The following CACNA2D2 variants were observed in gnomAD, a reference collection of about 807,000 sequenced individuals.
CACNA2D2 encodes calcium voltage-gated channel auxiliary subunit alpha2delta 2.
CACNA2D2 carries 48 observed loss-of-function variants against 166.4 expected under a neutral mutation model. The ratio of observed to expected loss-of-function variants is 0.29; its 90% confidence interval spans 0.23 to 0.37. The LOEUF (loss-of-function observed/expected upper bound fraction) is 0.37. CACNA2D2 is among the 10% of genes least tolerant of loss of function. CACNA2D2 has a pLI of 1.00. For missense variants in CACNA2D2, 1,122 were observed against 1,433.0 expected (o/e 0.78, Z 3.50); for synonymous variants, 561 against 573.7 (o/e 0.98, Z 0.32).
rs1475174487 is a variant in CACNA2D2, at chr3:50,366,208, T to C, written c.2710-45A>G. 1 of 1,613,882 alleles carries C rather than the reference T, an allele frequency of 6.2e-7. No individual in the cohort carries two copies. Among genetic ancestry groups the C allele is most frequent in the East Asian group, 2.2e-5 (1 of 44,900 alleles). On this transcript the variant is annotated intron_variant, in intron 31 of 37. Transcript: ENST00000424201. The surrounding 1 kb of genome is among the most constrained non-coding windows in gnomAD (Gnocchi z 5.9). ...GCCATGGTCACAGGGCTGGCAGTGC[T>C]ACACCCCTAGAAGGCTCAAATCCCT...
intron 1 of CACNA2D2, among the ~76,000 whole-genome samples, chr3:50,498,615 A>C (rs1698823389): frequency 6.6e-6 from 1 of 152,104 alleles, no homozygotes. Flanking sequence ...AGGTAGATGG[A>C]GGTCAGCACT....
intron 3 of CACNA2D2, among the ~76,000 whole-genome samples, chr3:50,409,390 G>T (rs1409989448): frequency 6.6e-6 from 1 of 152,240 alleles, no homozygotes; most frequent in Non-Finnish European, 1.5e-5. Flanking sequence ...AGGGAGAAAA[G>T]CCCCATGGCT....
At chr3:50,479,084 T>C (rs1001824836) in intron 1 of CACNA2D2, among the ~76,000 whole-genome samples, 1 of 152,234 alleles carries the variant, frequency 6.6e-6, no homozygotes, top group Non-Finnish European at 1.5e-5. Context: ...AAAAAGGCTA[T>C]TTCAACACTA....
chr3:50,468,175 C>T (rs1229595446), intron 2 of CACNA2D2, among the ~76,000 whole-genome samples: 5 of 152,328 alleles, frequency 3.3e-5, no homozygotes, highest in South Asian at 4.1e-4. Flanking sequence ...CTCCCACCCT[C>T]GAACATTCAG....
chr3:50,495,363 C>T (rs911912444), intron 1 of CACNA2D2, among the ~76,000 whole-genome samples: 3 of 152,164 alleles, frequency 2.0e-5, no homozygotes, highest in African/African-American at 7.2e-5. Flanking sequence ...CCTGGGCCAT[C>T]GCAGCACTGA....
chr3:50,488,468 G>A (rs184557051), intron 1 of CACNA2D2, among the ~76,000 whole-genome samples: 114 of 152,128 alleles, frequency 7.5e-4, no homozygotes, highest in Non-Finnish European at 8.4e-4. Flanking sequence ...TCCTGACACT[G>A]CCCTGTACTT....
intron 2 of CACNA2D2, among the ~76,000 whole-genome samples, chr3:50,475,070 G>C (rs1000202470): frequency 2.0e-5 from 3 of 152,162 alleles, no homozygotes; most frequent in Admixed American, 6.5e-5. Context: ...GCCTGTGCCA[G>C]AGGTCCTACA....
chr3:50,476,964 C>T (rs180966281), intron 1 of CACNA2D2, among the ~76,000 whole-genome samples: 16 of 142,596 alleles, frequency 1.1e-4, no homozygotes, highest in African/African-American at 3.7e-4. Context: ...GAGTCTCGAT[C>T]TGTCGCCCAG....
intron 3 of CACNA2D2, among the ~76,000 whole-genome samples, chr3:50,406,215 G>T (rs958032821): frequency 6.6e-6 from 1 of 151,808 alleles, no homozygotes. Context: ...TGGCACAGAG[G>T]CAATCAGCCT....
At chr3:50,485,639 T>A (rs935142361) in intron 1 of CACNA2D2, among the ~76,000 whole-genome samples, 1 of 152,228 alleles carries the variant, frequency 6.6e-6, no homozygotes, top group Admixed American at 6.5e-5. Context: ...GAGAAACTCC[T>A]AGGATACGGA....
chr3:50,391,551 G>C lies in CACNA2D2; in HGVS notation c.465+2558C>G, dbSNP rs1705894730. Among the ~76,000 whole-genome samples the C allele has an allele frequency of 1.3e-5, 2 of 152,228 alleles. 1 individual carries two copies. Among genetic ancestry groups the C allele is most frequent in the South Asian group, 4.1e-4 (2 of 4,836 alleles). Reference sequence around the variant, plus strand: ...GGCCATCGTTTCCCTGGTGTCCAAGGGTCTGGGTTGGCCAGGGACGAGGAA... The same window carrying C: ...GGCCATCGTTTCCCTGGTGTCCAAGCGTCTGGGTTGGCCAGGGACGAGGAA... On this transcript the variant is annotated intron_variant, in intron 4 of 37. Coordinates refer to ENST00000424201, the MANE Select transcript of CACNA2D2 (RefSeq NM_006030.4).
At chr3:50,433,804 G>A (rs1299981091) in intron 3 of CACNA2D2, among the ~76,000 whole-genome samples, 1 of 152,184 alleles carries the variant, frequency 6.6e-6, no homozygotes, top group African/African-American at 2.4e-5. Context: ...AGGCCCAGAT[G>A]GGGGAGCAGA....
intron 3 of CACNA2D2, among the ~76,000 whole-genome samples, 154 bp from the exon 4 acceptor site, chr3:50,394,322 C>A (rs1367997833): frequency 1.3e-5 from 2 of 152,128 alleles, no homozygotes; most frequent in East Asian, 3.9e-4. Flanking sequence ...ATTCTCTGCC[C>A]CAGACACTCC....
chr3:50,412,597 T>C (rs1194174942), intron 3 of CACNA2D2, among the ~76,000 whole-genome samples: 2 of 151,958 alleles, frequency 1.3e-5, no homozygotes, highest in Admixed American at 6.6e-5. Flanking sequence ...TGTTTTTCTT[T>C]TCTTTTTTTT....
chr3:50,364,358 G>A lies in CACNA2D2; in HGVS notation c.*308C>T, dbSNP rs947707883. ...GCCTCCAGGAAGGGCGGCAGCAGAG[G>A]CCTGGTTTTGGCACCAGTGCGTGTG... On this transcript the variant is annotated 3_prime_UTR_variant, in exon 38 of 38. Coordinates refer to ENST00000424201, the MANE Select transcript of CACNA2D2 (RefSeq NM_006030.4). 5.3e-6 allele frequency: 2 copies of A among 379,022 alleles called. No homozygotes were observed. The highest frequency in any genetic ancestry group is 9.5e-6 in the Non-Finnish European group (2 of 211,362). 23.5% of individuals were successfully genotyped at this position (379,022 alleles called of 1,614,324 possible).
At chr3:50,472,333 CT>C (rs762873422) in intron 2 of CACNA2D2, among the ~76,000 whole-genome samples, 1 of 152,204 alleles carries the variant, frequency 6.6e-6, no homozygotes, top group Non-Finnish European at 1.5e-5. Context: ...AGCGCGCAAG[CT>C]ATGAGTGGTT....
chr3:50,452,782 G>A (rs1709163258), intron 2 of CACNA2D2, among the ~76,000 whole-genome samples: 1 of 152,198 alleles, frequency 6.6e-6, no homozygotes, highest in South Asian at 2.1e-4. Context: ...AGATCCTCAG[G>A]GGGTTATAGT....
chr3:50,387,587 G>A lies in CACNA2D2; in HGVS notation c.491C>T (p.Ala164Val). 2 of 1,613,856 alleles carry A rather than the reference G, an allele frequency of 1.2e-6. No individual in the cohort carries two copies. The highest frequency in any genetic ancestry group is 1.7e-6 in the Non-Finnish European group (2 of 1,179,822). The change falls in exon 5 of 38, where the codon GCC becomes GTC. Residue 164 changes from alanine to valine, a missense_variant. Ala to Val is a moderately conservative substitution (Grantham distance 64). This residue lies in a region of CACNA2D2 where 840 missense variants were observed against 1,166.8 expected (regional missense o/e 0.72). Coordinates refer to ENST00000424201, the MANE Select transcript of CACNA2D2 (RefSeq NM_006030.4). ...GCTCACCAGCTCAGCGTCAGCCTTGGCGTCATAGTACACGATGTCTTCCTC... is the reference window on the plus strand; with the variant it reads ...GCTCACCAGCTCAGCGTCAGCCTTGACGTCATAGTACACGATGTCTTCCTC... Reference protein sequence around the residue: ...IKEEDIVYYDAKADAELDDPE... With the variant: ...IKEEDIVYYDVKADAELDDPE...
intron 2 of CACNA2D2, among the ~76,000 whole-genome samples, chr3:50,475,436 C>T (rs895077933): frequency 6.6e-6 from 1 of 152,184 alleles, no homozygotes; most frequent in African/African-American, 2.4e-5. Context: ...CCCCGAGAGT[C>T]GTAGCTCCAT....
Sources: allele counts gnomAD v4.1 joint callset (sites outside exome capture counted in the v4.1 genomes callset), GRCh38; gene constraint gnomAD v4.1.1; regional missense constraint gnomAD v4.1.1; non-coding constraint Gnocchi (gnomAD v3.1); transcripts MANE v1.5; gene names NCBI Gene and HGNC (gene_info 2026-07-23, HGNC 2026-07-21).